The following GSTO2 variants were observed in gnomAD, a reference collection of about 807,000 sequenced individuals.
GSTO2 encodes the protein glutathione S-transferase omega-2.
Under a neutral mutation model 28.4 loss-of-function variants are expected in GSTO2, and 23 were observed. The ratio of observed to expected loss-of-function variants is 0.81; its 90% CI spans 0.58 to 1.15. The LOEUF (loss-of-function observed/expected upper bound fraction) is 1.15, where lower values mean the gene tolerates loss of function less well. Among genes scored for constraint, GSTO2 ranks in the 50% most tolerant of loss-of-function variants. The pLI is 0.00. For missense variants in GSTO2, 298 were observed against 297.8 expected (o/e 1.00, Z 0.00); for synonymous variants, 109 against 111.0 (o/e 0.98, Z 0.11).
intron 3 of GSTO2, among the ~76,000 whole-genome samples, chr10:104,276,708 G>A (rs1001749628): frequency 3.3e-5 from 5 of 152,164 alleles, no homozygotes; most frequent in African/African-American, 1.2e-4. Flanking sequence ...TTGGGCTCAA[G>A]CAATCCTCCC....
intron 5 of GSTO2, 75 bp downstream of exon 5, chr10:104,279,546 A>T (rs774195222): frequency 2.8e-5 from 25 of 897,858 alleles, no homozygotes; most frequent in Admixed American, 5.9e-5. Flanking sequence ...GGTCACTCTA[A>T]CACCAGCTTT....
At chr10:104,269,410 A>G (rs1407135571) in intron 1 of GSTO2, 141 bp downstream of exon 1, 1 of 152,264 alleles carries the variant, frequency 6.6e-6, no homozygotes, top group Non-Finnish European at 1.5e-5. Context: ...GAGAAATCCT[A>G]TTTAGCCTTG....
In GSTO2 at chr10:104,288,081, G is replaced by C. The variant is rs183460565; in HGVS notation, c.468+8610G>C. Reference sequence around the variant, plus strand: ...TTCTTTTTGTATTTTTAGTAGAGATGGGGTTTCACTGTGTTAGCCAGGATG... The same window carrying C: ...TTCTTTTTGTATTTTTAGTAGAGATCGGGTTTCACTGTGTTAGCCAGGATG... On this transcript the variant is annotated intron_variant, in intron 5 of 6. Coordinates refer to ENST00000338595, the MANE Select transcript of GSTO2 (RefSeq NM_183239.2). Among the ~76,000 whole-genome samples, 13 of 151,962 alleles carry C rather than the reference G, an allele frequency of 8.6e-5. No individual in the cohort carries two copies. The East Asian group carries it at 2.5e-3, about 29-fold the overall frequency.
intron 1 of GSTO2, among the ~76,000 whole-genome samples, chr10:104,274,108 C>T (rs1215728401): frequency 6.6e-6 from 1 of 152,208 alleles, no homozygotes; most frequent in African/African-American, 2.4e-5. Context: ...TATGGCTGGG[C>T]TGTTGGCAAT....
intron 5 of GSTO2, 42 bp from the exon 6 acceptor site, chr10:104,297,536 G>T: frequency 8.0e-7 from 1 of 1,251,452 alleles, no homozygotes; most frequent in South Asian, 1.2e-5. Context: ...CATGTCAGCA[G>T]ATATATAAAC....
At chr10:104,276,614 A>G (rs929965257) in intron 3 of GSTO2, among the ~76,000 whole-genome samples, 9 of 152,168 alleles carry the variant, frequency 5.9e-5, no homozygotes, top group Admixed American at 3.9e-4. Flanking sequence ...GAGGCCAAAA[A>G]TCACTTCTAG....
At chr10:104,276,587 A>AT (rs2011644219) in intron 3 of GSTO2, among the ~76,000 whole-genome samples, 1 of 152,222 alleles carries the variant, frequency 6.6e-6, no homozygotes, top group Non-Finnish European at 1.5e-5. Flanking sequence ...AGACATAGTG[A>AT]TATGTCCCTT....
rs1357977827 is a variant in GSTO2 at position 104,302,369 on chromosome 10, A to G, written c.*3085A>G. On this transcript the variant is annotated 3_prime_UTR_variant, in exon 7 of 7. Transcript: ENST00000338595. Reference sequence around the variant, plus strand: ...AAAATTAGTTTAAACCACAGCATTTAAAAGAAATGGTCATAGATGATGTTA... The same window carrying G: ...AAAATTAGTTTAAACCACAGCATTTGAAAGAAATGGTCATAGATGATGTTA... The G allele has an allele frequency of 6.6e-6, 1 of 152,260 alleles. No homozygotes were observed. Among genetic ancestry groups the G allele is most frequent in the Non-Finnish European group, 1.5e-5 (1 of 68,046 alleles). 9.4% of individuals were successfully genotyped at this position (152,260 alleles called of 1,614,324 possible). A position where few individuals can be genotyped will look rare whatever the true frequency, so the allele number is the denominator to read the frequency against.
Position 104,279,470 on chromosome 10 carries a change from A to C in GSTO2, c.467A>C (p.Glu156Ala). ...CGTCAGGAATTCAGCAACCTGGAAG[A>C]GGTACAAAAAGGGGTCCCTCTCCTG... ...ALRQEFSNLEEILEYQNTTFF... is the reference protein window; with the variant it reads ...ALRQEFSNLEAILEYQNTTFF... The change falls in exon 5 of 7, where the codon GAG (glutamate) becomes GCG (alanine). Residue 156 changes from glutamate to alanine, a missense_variant and splice_region_variant. Glu to Ala is a moderately radical substitution (Grantham distance 107). Coordinates refer to ENST00000338595, the MANE Select transcript of GSTO2 (RefSeq NM_183239.2). 6.2e-7 allele frequency: 1 copy of C among 1,607,878 alleles called. No individual in the cohort carries two copies. Among genetic ancestry groups the C allele is most frequent in the Non-Finnish European group, 8.5e-7 (1 of 1,174,434 alleles).
At position 104,274,711 on chromosome 10, in the gene GSTO2, G is replaced by A; in HGVS notation, c.-205G>A. On this transcript the variant is annotated 5_prime_UTR_variant, in exon 2 of 7. Coordinates refer to ENST00000338595, the MANE Select transcript of GSTO2 (RefSeq NM_183239.2). ...TCCTACTCTCGGGCTTCCAAATCTG[G>A]GGCGATGTCTCCCCAGGTTAAATTA... The A allele has an allele frequency of 1.6e-6, 1 of 610,068 alleles. No individual in the cohort carries two copies. The highest frequency in any genetic ancestry group is 2.0e-5 in the South Asian group (1 of 49,552). The allele number at this position is 610,068 out of a possible 1,614,324, so 37.8% of individuals were successfully genotyped here.
Position 104,299,353 on chromosome 10 carries a change from T to C in GSTO2, c.*69T>C. On this transcript the variant is annotated 3_prime_UTR_variant, in exon 7 of 7. Transcript: ENST00000338595. ...TTGGGAGTCTACGTCACGGCTTGTC[T>C]TGGGAACCAATCCGTCTCTCTTTCT... 6.5e-7 allele frequency: 1 copy of C among 1,532,748 alleles called. No homozygotes were observed. 94.9% of individuals were successfully genotyped at this position (1,532,748 alleles called of 1,614,324 possible).
rs375123980 is a variant in GSTO2 at position 104,278,125 on chromosome 10, A to T, written c.366+9A>T. Reference sequence around the variant, plus strand: ...TGGAGCTATTTTGTAAGGTATATTCAATTTAAAAAGTCACTCACACTGTAT... The same window carrying T: ...TGGAGCTATTTTGTAAGGTATATTCTATTTAAAAAGTCACTCACACTGTAT... On this transcript the variant is annotated intron_variant, in intron 4 of 6. Coordinates refer to ENST00000338595, the MANE Select transcript of GSTO2 (RefSeq NM_183239.2). 16 of 1,607,288 alleles carry T rather than the reference A, an allele frequency of 1.0e-5. No individual in the cohort carries two copies. The highest frequency in any genetic ancestry group is 1.7e-5 in the Admixed American group (1 of 59,850).
chr10:104,297,782 G>A, intron 6 of GSTO2, 98 bp downstream of exon 6: 1 of 768,924 alleles, frequency 1.3e-6, no homozygotes, highest in Non-Finnish European at 2.2e-6. Context: ...GTTTCAGGAT[G>A]TCTGTGAAGT....
chr10:104,287,677 T>C (rs1454879643), intron 5 of GSTO2, among the ~76,000 whole-genome samples: 4 of 151,964 alleles, frequency 2.6e-5, no homozygotes. Flanking sequence ...GCTAGAAAAG[T>C]ATCTAGAGAG....
At chr10:104,286,240 G>A (rs190239565) in intron 5 of GSTO2, among the ~76,000 whole-genome samples, 63 of 152,218 alleles carry the variant, frequency 4.1e-4, no homozygotes, top group South Asian at 3.1e-3. Flanking sequence ...CTGCTCACTT[G>A]TAAGCTGTCA....
chr10:104,274,645 C>G, intron 1 of GSTO2, 40 bp from the exon 2 acceptor site: 1 of 557,210 alleles, frequency 1.8e-6, no homozygotes, highest in African/African-American at 2.0e-5. Context: ...CAAGGGGGAG[C>G]TTTTCTGGTG....
intron 5 of GSTO2, among the ~76,000 whole-genome samples, chr10:104,282,124 A>G (rs2012088820): frequency 6.6e-6 from 1 of 151,720 alleles, no homozygotes; most frequent in African/African-American, 2.4e-5. Flanking sequence ...CATGCTTTTA[A>G]AAGTATTCAG....
At chr10:104,289,912 C>T (rs2012674084) in intron 5 of GSTO2, among the ~76,000 whole-genome samples, 1 of 152,294 alleles carries the variant, frequency 6.6e-6, no homozygotes, top group Non-Finnish European at 1.5e-5. Flanking sequence ...AAATGGCTTA[C>T]ATCCAAAAGA....
At chr10:104,295,283 A>C (rs1389333398) in intron 5 of GSTO2, 1 of 152,196 alleles carries the variant, frequency 6.6e-6, no homozygotes. Flanking sequence ...TTTTAGTGCC[A>C]TCCTGTTAGC....
Sources: allele counts gnomAD v4.1 joint callset (sites outside exome capture counted in the v4.1 genomes callset), GRCh38; gene constraint gnomAD v4.1.1; transcripts MANE v1.5; gene names NCBI Gene and HGNC (gene_info 2026-07-23, HGNC 2026-07-21).